Variants in ANO4 observed in about 807,000 individuals in gnomAD.
ANO4 encodes anoctamin 4.
A neutral mutation model predicts 141.9 loss-of-function variants in ANO4; 69 were observed. The ratio of observed to expected loss-of-function variants is 0.49; its 90% CI spans 0.40 to 0.59. The LOEUF is 0.59. ANO4 is among the 20% of genes least tolerant of loss of function. The pLI is 0.00. For missense variants in ANO4, 894 were observed against 1,162.2 expected (o/e 0.77, Z 3.36); for synonymous variants, 350 against 394.3 (o/e 0.89, Z 1.33).
intron 14 of ANO4, among the ~76,000 whole-genome samples, chr12:101,050,268 C>G (rs181307804): frequency 4.2e-4 from 64 of 152,328 alleles, no homozygotes; most frequent in African/African-American, 9.6e-4. Context: ...CCCAGACTCT[C>G]TTGTGGCTGA....
chr12:100,986,501 C>A (rs1216647507), intron 7 of ANO4, among the ~76,000 whole-genome samples: 1 of 152,158 alleles, frequency 6.6e-6, no homozygotes, highest in African/African-American at 2.4e-5. Context: ...CCCACAGACA[C>A]ACCTCAAAAT....
intron 8 of ANO4, among the ~76,000 whole-genome samples, chr12:101,018,349 C>T (rs758722607): frequency 2.6e-5 from 4 of 152,186 alleles, no homozygotes; most frequent in Non-Finnish European, 4.4e-5. Context: ...CAGCGTTTAT[C>T]GCTCATCCAC....
chr12:101,037,132 T>C lies in ANO4; in HGVS notation c.879T>C (p.Ala293=). The change falls in exon 10 of 28, where the codon GCT becomes GCC. Residue 293 remains alanine (A), a synonymous_variant. Coordinates refer to ENST00000392977, the MANE Select transcript of ANO4 (RefSeq NM_001286615.2). The part of the protein sequence containing the change: ...NRLLTNGSYE[A]AFPLHEGSYR... ...TGCTTACCAATGGCTCCTATGAAGC[T>C]GCGTTTCCCCTGCATGAGGTATTGT... 1.2e-6 allele frequency: 2 copies of C among 1,614,028 alleles called. No individual in the cohort carries two copies. Among genetic ancestry groups the C allele is most frequent in the Non-Finnish European group, 1.7e-6 (2 of 1,179,912 alleles).
chr12:100,823,867 T>C (rs1175544987), intron 1 of ANO4, among the ~76,000 whole-genome samples: 1 of 152,016 alleles, frequency 6.6e-6, no homozygotes, highest in Non-Finnish European at 1.5e-5. Flanking sequence ...ATGAAATGGG[T>C]AGGCAATTAC....
At chr12:100,864,282 G>C (rs2038636921) in intron 1 of ANO4, among the ~76,000 whole-genome samples, 1 of 152,122 alleles carries the variant, frequency 6.6e-6, no homozygotes, top group Non-Finnish European at 1.5e-5. Flanking sequence ...TTGGAGCTGG[G>C]TATGGGGTAG....
chr12:100,956,765 CT>C (rs2043189406), intron 5 of ANO4, among the ~76,000 whole-genome samples: 2 of 152,178 alleles, frequency 1.3e-5, no homozygotes, highest in South Asian at 4.1e-4. Flanking sequence ...GCTGTTGCTT[CT>C]GATTGTTCAA....
chr12:101,037,636 ACT>A (rs1170062101), intron 10 of ANO4, among the ~76,000 whole-genome samples: 3 of 152,118 alleles, frequency 2.0e-5, no homozygotes, highest in Non-Finnish European at 2.9e-5. Flanking sequence ...AAATACTGTG[ACT>A]CTATTTCCTA....
intron 3 of ANO4, among the ~76,000 whole-genome samples, chr12:100,774,524 A>G (rs544063394): frequency 2.0e-5 from 3 of 152,364 alleles, no homozygotes; most frequent in Middle Eastern, 3.4e-3. Flanking sequence ...CTTATTCCTT[A>G]GTGAGTAGAG....
At chr12:100,775,208 C>A (rs1179404460) in intron 3 of ANO4, among the ~76,000 whole-genome samples, 2 of 152,164 alleles carry the variant, frequency 1.3e-5, no homozygotes, top group African/African-American at 2.4e-5. Context: ...ACTAAAATAG[C>A]AGTCTTTCAA....
chr12:100,871,405 C>T (rs902215876), intron 1 of ANO4, among the ~76,000 whole-genome samples: 36 of 152,330 alleles, frequency 2.4e-4, no homozygotes, highest in Admixed American at 2.0e-3. Flanking sequence ...TGAAAGTCAG[C>T]TTCTCTGCAC....
chr12:100,728,600 C>A (rs982470177), intron 1 of ANO4, among the ~76,000 whole-genome samples: 3 of 152,126 alleles, frequency 2.0e-5, no homozygotes, highest in Non-Finnish European at 4.4e-5. Context: ...TCCTCATCTG[C>A]ATAATAGAGT....
chr12:101,037,231 ATT>A, intron 10 of ANO4, 81 bp downstream of exon 10: 2 of 1,400,222 alleles, frequency 1.4e-6, no homozygotes, highest in African/African-American at 2.9e-5. Context: ...CAATAATTGA[ATT>A]TGTTGACATT....
chr12:101,008,425 C>A (rs1030324097), intron 8 of ANO4, among the ~76,000 whole-genome samples: 4 of 152,086 alleles, frequency 2.6e-5, no homozygotes, highest in African/African-American at 9.7e-5. Context: ...ATTACTTCCC[C>A]CATAGAGAAT....
chr12:100,860,502 C>G (rs952754535), intron 1 of ANO4, among the ~76,000 whole-genome samples: 4 of 152,174 alleles, frequency 2.6e-5, no homozygotes, highest in Admixed American at 2.6e-4. Context: ...TGGGAACATA[C>G]ATGTACACAA....
intron 3 of ANO4, among the ~76,000 whole-genome samples, chr12:100,785,685 A>G (rs904870608): frequency 4.6e-5 from 7 of 152,210 alleles, no homozygotes; most frequent in African/African-American, 1.2e-4. Context: ...TTTGGCAATT[A>G]TGAATAAAGC....
intron 1 of ANO4, among the ~76,000 whole-genome samples, chr12:100,881,182 C>T (rs1242447293): frequency 6.6e-6 from 1 of 151,562 alleles, no homozygotes; most frequent in East Asian, 1.9e-4. Flanking sequence ...ATACCTAATG[C>T]TAAATGACGA....
At chr12:101,108,626 T>C (rs1566260249) in intron 22 of ANO4, among the ~76,000 whole-genome samples, 3 of 152,190 alleles carry the variant, frequency 2.0e-5, no homozygotes, top group African/African-American at 4.8e-5. Flanking sequence ...AAATAAAGTT[T>C]GTAAATATAT....
intron 3 of ANO4, among the ~76,000 whole-genome samples, chr12:100,744,946 C>T (rs1319773121): frequency 1.3e-5 from 2 of 151,926 alleles, no homozygotes; most frequent in Admixed American, 1.3e-4. Flanking sequence ...CTCCCTTCCT[C>T]TCTCTCCCCT....
intron 1 of ANO4, 32 bp from the exon 2 acceptor site, chr12:100,901,614 C>G (rs2040594632): frequency 1.4e-6 from 1 of 710,892 alleles, no homozygotes; most frequent in African/African-American, 1.8e-5. Context: ...GAAGTGACTT[C>G]TTCAGTCTAA....
Sources: gnomAD v4.1 joint callset for allele counts (sites outside exome capture counted in the v4.1 genomes callset) on GRCh38, gnomAD v4.1.1 for gene constraint, MANE v1.5 for transcripts, NCBI Gene and HGNC (gene_info 2026-07-23, HGNC 2026-07-21) for gene names.